The following CEP15 variants were observed in gnomAD, a reference collection of about 807,000 sequenced individuals.
CEP15 encodes centrosomal protein 15 kDa.
chr3:62,335,652 T>C, the CEP15 span: 1 of 152,128 alleles, frequency 6.6e-6, no homozygotes, highest in Non-Finnish European at 1.5e-5. Context: ...TGTCATCTAT[T>C]CATACCTTTC....
chr3:62,329,233 ATAGAG>A, the CEP15 span, among the ~76,000 whole-genome samples: 5 of 152,196 alleles, frequency 3.3e-5, no homozygotes, highest in African/African-American at 7.2e-5. Flanking sequence ...AGAGTTAAAG[ATAGAG>A]TATAGAGCAT....
the CEP15 span, among the ~76,000 whole-genome samples, chr3:62,328,405 G>GGT: frequency 6.6e-6 from 1 of 152,062 alleles, no homozygotes; most frequent in Non-Finnish European, 1.5e-5. Flanking sequence ...CCCCACTAGG[G>GGT]GTGTCCAGTC....
chr3:62,325,106 C>G, the CEP15 span, among the ~76,000 whole-genome samples: 4 of 152,072 alleles, frequency 2.6e-5, no homozygotes, highest in African/African-American at 4.8e-5. Flanking sequence ...TGGGAATGAT[C>G]TTAACAAGGG....
At chr3:62,323,840 T>C in the CEP15 span, 1 of 152,206 alleles carries the variant, frequency 6.6e-6, no homozygotes, top group African/African-American at 2.4e-5. Flanking sequence ...TAGCATACCT[T>C]CCATATCATC....
At chr3:62,330,507 G>C in the CEP15 span, among the ~76,000 whole-genome samples, 93 of 152,208 alleles carry the variant, frequency 6.1e-4, 1 homozygote, top group South Asian at 0.018. Context: ...CTGCATTTCT[G>C]GGCATTTACT....
the CEP15 span, among the ~76,000 whole-genome samples, chr3:62,328,015 A>G: frequency 6.6e-6 from 1 of 152,184 alleles, no homozygotes; most frequent in Non-Finnish European, 1.5e-5. Flanking sequence ...GTGATAAGTT[A>G]TTCCAGGCTC....
the CEP15 span, chr3:62,319,532 T>G: frequency 6.6e-6 from 1 of 152,132 alleles, no homozygotes; most frequent in Non-Finnish European, 1.5e-5. Flanking sequence ...GGCAGGGCGG[T>G]GTTTCCGTTT....
At chr3:62,331,257 T>G in the CEP15 span, 1 of 1,343,498 alleles carries the variant, frequency 7.4e-7, no homozygotes, top group Non-Finnish European at 1.1e-6. Context: ...GATACAGATA[T>G]TGCTAGTACA....
At chr3:62,329,002 A>G in the CEP15 span, among the ~76,000 whole-genome samples, 1 of 151,462 alleles carries the variant, frequency 6.6e-6, no homozygotes, top group East Asian at 2.0e-4. Context: ...TATTCAAAGT[A>G]GTTCTTTAGA....
At chr3:62,326,776 A>C in the CEP15 span, among the ~76,000 whole-genome samples, 3 of 152,168 alleles carry the variant, frequency 2.0e-5, no homozygotes, top group African/African-American at 7.2e-5. Flanking sequence ...CCCCTTCCCC[A>C]ACCACTCAGA....
the CEP15 span, chr3:62,320,317 T>A: frequency 1.8e-6 from 1 of 557,162 alleles, no homozygotes; most frequent in African/African-American, 1.9e-5. Flanking sequence ...AATTGCATCC[T>A]TTCATTTTAT....
chr3:62,319,762 C>T, the CEP15 span: 1 of 152,192 alleles, frequency 6.6e-6, no homozygotes, highest in Non-Finnish European at 1.5e-5. Flanking sequence ...GATGAGTTGC[C>T]TGCAGTTTTG....
At chr3:62,329,167 G>C in the CEP15 span, among the ~76,000 whole-genome samples, 1 of 152,132 alleles carries the variant, frequency 6.6e-6, no homozygotes, top group African/African-American at 2.4e-5. Context: ...GGCTAGGAGA[G>C]ATATCCTGAA....
the CEP15 span, among the ~76,000 whole-genome samples, chr3:62,331,170 A>G: frequency 2.0e-5 from 3 of 152,154 alleles, no homozygotes; most frequent in African/African-American, 4.8e-5. Context: ...TAATTGAACA[A>G]TGATCAGTTT....
At chr3:62,326,017 C>T in the CEP15 span, among the ~76,000 whole-genome samples, 29 of 112,080 alleles carry the variant, frequency 2.6e-4, no homozygotes, top group Admixed American at 2.4e-3. Context: ...AGTGAGACTT[C>T]GTCTCAAAAA....
the CEP15 span, among the ~76,000 whole-genome samples, chr3:62,320,299 A>T: frequency 2.6e-5 from 4 of 152,228 alleles, no homozygotes; most frequent in Non-Finnish European, 5.9e-5. Context: ...CTGAATAAAA[A>T]TGTGTTTAAT....
chr3:62,327,148 TA>T, the CEP15 span, among the ~76,000 whole-genome samples: 1 of 152,254 alleles, frequency 6.6e-6, no homozygotes, highest in Admixed American at 6.5e-5. Flanking sequence ...TGGATATTGC[TA>T]ATTACATCTC....
the CEP15 span, chr3:62,333,457 G>A: frequency 6.6e-7 from 1 of 1,518,266 alleles, no homozygotes. The surrounding 1 kb of genome is among the most constrained non-coding windows in gnomAD (Gnocchi z 4.0). Flanking sequence ...GTAGGTTATT[G>A]CAGGAACTTT....
the CEP15 span, chr3:62,333,651 T>C: frequency 5.1e-5 from 14 of 274,098 alleles, no homozygotes; most frequent in African/African-American, 2.9e-4. The surrounding 1 kb of genome is among the most constrained non-coding windows in gnomAD (Gnocchi z 4.0). Flanking sequence ...ATTAAATTAT[T>C]GTCAGTGTTG....
Sources: gnomAD v4.1 joint callset for allele counts (sites outside exome capture counted in the v4.1 genomes callset) on GRCh38, gnomAD v4.1.1 for gene constraint, Gnocchi (gnomAD v3.1) non-coding constraint, MANE v1.5 for transcripts, NCBI Gene and HGNC (gene_info 2026-07-23, HGNC 2026-07-21) for gene names.